CIT: variants seen among roughly 807,000 people sequenced by gnomAD.
CIT encodes the protein citron Rho-interacting kinase.
In CIT, 79 loss-of-function variants were observed where a neutral mutation model predicts 272.7. The observed-to-expected ratio is 0.29, with a 90% CI of 0.24 to 0.35. CIT has a LOEUF of 0.35. CIT is among the 10% of genes least tolerant of loss of function. The pLI is 1.00. For synonymous variants in CIT, 948 were observed against 995.6 expected, an observed-to-expected ratio of 0.95 and a Z score of 0.90; for missense variants, 1,909 against 2,618.3, an observed-to-expected ratio of 0.73 and a Z score of 5.91.
At chr12:119,703,886 C>T (rs1359440227) in intron 41 of CIT, among the ~76,000 whole-genome samples, 1 of 152,236 alleles carries the variant, frequency 6.6e-6, no homozygotes, top group Non-Finnish European at 1.5e-5. Context: ...ATCATCACAG[C>T]TCACTCTGCT....
At position 119,712,448 on chromosome 12, in the gene CIT, A is replaced by C. The variant is rs915879238; in HGVS notation, c.4685-101T>G. 1.0e-4 allele frequency: 144 copies of C among 1,438,152 alleles called. No individual in the cohort carries two copies. The African/African-American group carries it at 1.9e-3, about 19-fold the overall frequency. The allele number at this position is 1,438,152 out of a possible 1,614,324, so 89.1% of individuals were successfully genotyped here. ...CAAAGATGCCCACCAAACCACGCAA[A>C]TCCCAGTTACCGCCAAGGCGGGGAG... On this transcript the variant is annotated intron_variant, in intron 36 of 47. Transcript: ENST00000392521. This position sits in a 1 kb window ranked among gnomAD's most constrained non-coding sequence, Gnocchi z 5.2.
intron 4 of CIT, 40 bp from the exon 5 acceptor site, chr12:119,850,315 T>G: frequency 4.5e-6 from 6 of 1,324,354 alleles, no homozygotes; most frequent in South Asian, 1.2e-5. Context: ...TATAAAGAAC[T>G]GTGAGAGGAA....
Position 119,735,178 on chromosome 12 carries a change from C to T in CIT, c.3138G>A (p.Gln1046=). The change falls in exon 25 of 48, where the codon CAG becomes CAA. Residue 1046 remains glutamine (Q), a synonymous_variant. Transcript: ENST00000392521. ...LRREITEREM[Q]LTSQKQTMEA... is the part of the protein sequence containing the mutation. ...TCCTTACTTGCTTCTGGCTGGTAAG[C>T]TGCATCTCTCGTTCCGTGATCTCCC... is the stretch of plus-strand genomic sequence containing the variant. 1.2e-6 allele frequency: 2 copies of T among 1,614,040 alleles called. No homozygotes were observed. The highest frequency in any genetic ancestry group is 2.2e-5 in the South Asian group (2 of 91,078).
chr12:119,718,412 G>T lies in CIT; in HGVS notation c.4004-3C>A. The T allele has an allele frequency of 6.2e-7, 1 of 1,610,038 alleles. No homozygotes were observed. Among genetic ancestry groups the T allele is most frequent in the South Asian group, 1.1e-5 (1 of 90,444 alleles). On this transcript the variant is annotated splice_polypyrimidine_tract_variant and splice_region_variant and intron_variant, in intron 31 of 47. Coordinates refer to ENST00000392521, the MANE Select transcript of CIT (RefSeq NM_001206999.2). The surrounding 1 kb of genome is among the most constrained non-coding windows in gnomAD (Gnocchi z 4.8). ...GTCCGTTGCTTTGCGGTGGGCAGCT[G>T]CAGAGAGACCAGGACAATGCCTTTT...
At chr12:119,808,095 T>C (rs1966712175) in intron 9 of CIT, among the ~76,000 whole-genome samples, 1 of 152,204 alleles carries the variant, frequency 6.6e-6, no homozygotes, top group Admixed American at 6.5e-5. Context: ...AACAAAGAGC[T>C]ATTTTAGGAG....
chr12:119,688,729 C>G (rs1317920368), intron 47 of CIT, among the ~76,000 whole-genome samples: 1 of 152,262 alleles, frequency 6.6e-6, no homozygotes, highest in Admixed American at 6.5e-5. Context: ...ACACCCATCC[C>G]TCTCCTCGAT....
chr12:119,861,705 G>C (rs1357647347), intron 3 of CIT, among the ~76,000 whole-genome samples: 1 of 152,078 alleles, frequency 6.6e-6, no homozygotes, highest in Non-Finnish European at 1.5e-5. Flanking sequence ...TCCTTTTTTG[G>C]AACACAGTAA....
chr12:119,778,241 A>AT (rs1963961370), intron 13 of CIT, among the ~76,000 whole-genome samples: 1 of 152,214 alleles, frequency 6.6e-6, no homozygotes, highest in African/African-American at 2.4e-5. Context: ...AAATCAAAAC[A>AT]TTTACATTGA....
At chr12:119,831,630 G>A (rs913388870) in intron 7 of CIT, among the ~76,000 whole-genome samples, 2 of 152,234 alleles carry the variant, frequency 1.3e-5, no homozygotes, top group African/African-American at 4.8e-5. Context: ...AGCACTTTGG[G>A]AGGCCGAAGC....
intron 4 of CIT, 113 bp from the exon 5 acceptor site, chr12:119,850,388 A>AAG (rs1970129107): frequency 5.2e-6 from 3 of 581,114 alleles, no homozygotes; most frequent in Admixed American, 3.1e-5. Flanking sequence ...AAAAAAAAAA[A>AAG]GGCAAAGGAA....
At chr12:119,855,369 G>T (rs531017346) in intron 4 of CIT, among the ~76,000 whole-genome samples, 2 of 152,204 alleles carry the variant, frequency 1.3e-5, no homozygotes, top group African/African-American at 4.8e-5. Flanking sequence ...CTTGCAGTGA[G>T]CTGAGATCGC....
chr12:119,848,715 CAT>C, intron 5 of CIT, among the ~76,000 whole-genome samples: 1 of 152,120 alleles, frequency 6.6e-6, no homozygotes, highest in South Asian at 2.1e-4. Context: ...AAACTATACA[CAT>C]GTGGATATAG....
At chr12:119,812,176 G>GACCTCA (rs1230618448) in intron 9 of CIT, among the ~76,000 whole-genome samples, 1 of 152,042 alleles carries the variant, frequency 6.6e-6, no homozygotes, top group African/African-American at 2.4e-5. Flanking sequence ...TCGAACTTCT[G>GACCTCA]ACCTCAAGTG....
chr12:119,832,524 T>C lies in CIT; in HGVS notation c.753+247A>G, dbSNP rs572965988. On this transcript the variant is annotated intron_variant, in intron 7 of 47. Coordinates refer to ENST00000392521, the MANE Select transcript of CIT (RefSeq NM_001206999.2). ...AATGAAGAGAGAAACAAAATAAGCA[T>C]TTTCCTTTATTTCTAACCAAACTAT... is the stretch of plus-strand genomic sequence containing the variant. Among the ~76,000 whole-genome samples the C allele has an allele frequency of 7.9e-5, 12 of 152,244 alleles. No homozygotes were observed. In the South Asian group the frequency reaches 2.3e-3, roughly 29 times the overall value.
intron 44 of CIT, among the ~76,000 whole-genome samples, chr12:119,699,470 G>A (rs1168352704): frequency 4.6e-5 from 7 of 152,126 alleles, no homozygotes; most frequent in Admixed American, 1.3e-4. Flanking sequence ...TAAAGTCATG[G>A]GCTCTGGTAT....
chr12:119,843,191 G>C (rs1017812874), intron 5 of CIT, among the ~76,000 whole-genome samples: 2 of 152,162 alleles, frequency 1.3e-5, no homozygotes, highest in African/African-American at 4.8e-5. Context: ...GGATGTTAAG[G>C]TAGAAAGAGA....
intron 4 of CIT, among the ~76,000 whole-genome samples, chr12:119,851,931 G>A (rs937467006): frequency 6.6e-6 from 1 of 152,160 alleles, no homozygotes; most frequent in Non-Finnish European, 1.5e-5. Context: ...TACTCAGGAG[G>A]CTGTGGCAGG....
chr12:119,744,489 G>A (rs796993046), intron 23 of CIT, among the ~76,000 whole-genome samples: 2 of 151,778 alleles, frequency 1.3e-5, no homozygotes, highest in African/African-American at 2.4e-5. Flanking sequence ...TTGGGAAGCC[G>A]AGGCGGGCAG....
At position 119,776,715 on chromosome 12, in the gene CIT, T is replaced by C; in HGVS notation, c.1793A>G (p.Glu598Gly). 1 of 1,614,042 alleles carries C rather than the reference T, an allele frequency of 6.2e-7. No homozygotes were observed. Among genetic ancestry groups the C allele is most frequent in the Non-Finnish European group, 8.5e-7 (1 of 1,180,018 alleles). The change falls in exon 14 of 48, where the codon GAA becomes GGA. Residue 598 changes from glutamate to glycine, a missense_variant. Glu to Gly is a moderately conservative substitution (Grantham distance 98). Transcript: ENST00000392521. ...ELRESRLAAE[E>G]FKRKATECQH... Reference sequence around the variant, plus strand: ...ACATTCTGTCGCTTTCCGCTTGAATTCTTCAGCAGCAAGCCGAGACTCTCT... The same window carrying C: ...ACATTCTGTCGCTTTCCGCTTGAATCCTTCAGCAGCAAGCCGAGACTCTCT...
Sources: allele counts gnomAD v4.1 joint callset (sites outside exome capture counted in the v4.1 genomes callset), GRCh38; gene constraint gnomAD v4.1.1; non-coding constraint Gnocchi (gnomAD v3.1); transcripts MANE v1.5; gene names NCBI Gene and HGNC (gene_info 2026-07-23, HGNC 2026-07-21).